EOMES: variants seen among roughly 807,000 people sequenced by gnomAD.
EOMES encodes the protein eomesodermin homolog.
In EOMES, 18 loss-of-function variants were observed where a neutral mutation model predicts 61.0. That is an observed-to-expected ratio of 0.30 (90% CI 0.20 to 0.44). The LOEUF is 0.44. Among genes scored for constraint, EOMES ranks in the 20% least tolerant of loss-of-function variants. EOMES has a pLI of 1.00. For synonymous variants in EOMES, 430 were observed against 394.0 expected, an observed-to-expected ratio of 1.09 and a Z score of -1.08; for missense variants, 885 against 939.2, an observed-to-expected ratio of 0.94 and a Z score of 0.75.
intron 2 of EOMES, among the ~76,000 whole-genome samples, chr3:27,719,693 C>G (rs1162356220): frequency 6.6e-6 from 1 of 152,178 alleles, no homozygotes; most frequent in Non-Finnish European, 1.5e-5. Context: ...CTTCCTTGCA[C>G]TAGGGACTCC....
At position 27,717,671 on chromosome 3, in the gene EOMES, G is replaced by A. The variant is rs753193041; in HGVS notation, c.1517C>T (p.Ala506Val). ...GGTTCTCTCGCCATTATAATAGCGG[G>A]CTTGAGGTAAAGTGTTGACAAAGGG... Reference protein sequence around the residue: ...PEPFVNTLPQARYYNGERTVP... With the variant: ...PEPFVNTLPQVRYYNGERTVP... Residue 506 changes from alanine to valine, a missense_variant, in exon 6 of 6, where the codon GCC becomes GTC. Physicochemically the swap from Ala to Val is moderately conservative, Grantham distance 64. Around this residue, in one of 3 missense-constraint regions of EOMES, gnomAD observed 259 missense variants for 282.3 expected, o/e 0.92. Coordinates refer to ENST00000449599, the MANE Select transcript of EOMES (RefSeq NM_001278182.2). This position sits in a 1 kb window ranked among gnomAD's most constrained non-coding sequence, Gnocchi z 4.5. The A allele has an allele frequency of 1.2e-6, 2 of 1,613,948 alleles. No homozygotes were observed. Among genetic ancestry groups the A allele is most frequent in the Admixed American group, 1.7e-5 (1 of 59,988 alleles).
Position 27,718,847 on chromosome 3 carries a change from A to T in EOMES, c.1205T>A (p.Ile402Asn), listed in dbSNP as rs1365927935. 6.2e-7 allele frequency: 1 copy of T among 1,613,948 alleles called. No homozygotes were observed. Among genetic ancestry groups the T allele is most frequent in the African/African-American group, 1.3e-5 (1 of 74,930 alleles). Residue 402 changes from isoleucine to asparagine, a missense_variant, in exon 4 of 6, where the codon ATT becomes AAT. Ile to Asn is a moderately radical substitution (Grantham distance 149). Around this residue, in one of 3 missense-constraint regions of EOMES, gnomAD observed 177 missense variants for 273.3 expected, o/e 0.65. Coordinates refer to ENST00000449599, the MANE Select transcript of EOMES (RefSeq NM_001278182.2). ...CACGCCATCCTCTGTAACTTCAACA[A>T]TATGCAGTCGGGGTTGGTATTTGTG... ...SLHKYQPRLH[I>N]VEVTEDGVED...
intron 2 of EOMES, among the ~76,000 whole-genome samples, chr3:27,719,792 A>G (rs2060596915): frequency 6.6e-6 from 1 of 152,152 alleles, no homozygotes; most frequent in Non-Finnish European, 1.5e-5. Flanking sequence ...TGTAAGGGCA[A>G]CATCCGATGG....
intron 5 of EOMES, among the ~76,000 whole-genome samples, chr3:27,718,317 A>G (rs930767387): frequency 6.6e-6 from 1 of 152,182 alleles, no homozygotes; most frequent in African/African-American, 2.4e-5. Context: ...AGGTATATAT[A>G]AATGCAGATT....
Position 27,715,955 on chromosome 3 carries a change from C to T in EOMES, c.*1115G>A, listed in dbSNP as rs938356005. ...CACAGAAGACAGAGCTATGTCCGTT[C>T]CCTTACTGAACCACATTTATTAAAA... On this transcript the variant is annotated 3_prime_UTR_variant, in exon 6 of 6. Transcript: ENST00000449599. The T allele has an allele frequency of 4.2e-4, 64 of 152,000 alleles. No individual in the cohort carries two copies. The highest frequency in any genetic ancestry group is 1.5e-3 in the African/African-American group (62 of 41,358). The allele number at this position is 152,000 out of a possible 1,614,324, so 9.4% of individuals were successfully genotyped here.
rs1258908432 is a variant in EOMES, at chr3:27,721,246, G to A, written c.881+168C>T. Reference sequence around the variant, plus strand: ...AGAGCCGCCGGGGCACTGACACAGAGGGACACCGCATTGGAGATGCGGTGT... The same window carrying A: ...AGAGCCGCCGGGGCACTGACACAGAAGGACACCGCATTGGAGATGCGGTGT... On this transcript the variant is annotated intron_variant, in intron 1 of 5. Transcript: ENST00000449599. The surrounding 1 kb of genome is among the most constrained non-coding windows in gnomAD (Gnocchi z 7.4). Among the ~76,000 whole-genome samples the A allele has an allele frequency of 2.6e-5, 4 of 151,590 alleles. No individual in the cohort carries two copies. The highest frequency in any genetic ancestry group is 9.7e-5 in the African/African-American group (4 of 41,284).
In EOMES at chr3:27,721,757, G is replaced by A. The variant is rs1278594512; in HGVS notation, c.538C>T (p.Pro180Ser). The change falls in exon 1 of 6, where the codon CCT becomes TCT. Residue 180 changes from proline (P) to serine (S), a missense_variant. Coordinates refer to ENST00000449599, the MANE Select transcript of EOMES (RefSeq NM_001278182.2). The surrounding 1 kb of genome is among the most constrained non-coding windows in gnomAD (Gnocchi z 7.4). ...CCGTAGGGGTAGCGCGCCCCGTTAG[G>A]AGCCGGGTACACAGGTCCGTGGGGC... ...GAPHGPVYPA[P>S]NGARYPYGSM... is the part of the protein sequence containing the mutation. 19 of 1,493,014 alleles carry A rather than the reference G, an allele frequency of 1.3e-5. No individual in the cohort carries two copies. Among genetic ancestry groups the A allele is most frequent in the Non-Finnish European group, 1.5e-5 (17 of 1,133,118 alleles). 92.5% of individuals were successfully genotyped at this position (1,493,014 alleles called of 1,614,324 possible).
Position 27,721,323 on chromosome 3 carries a change from A to G in EOMES, c.881+91T>C. The G allele has an allele frequency of 2.7e-6, 3 of 1,094,590 alleles. No homozygotes were observed. The highest frequency in any genetic ancestry group is 2.8e-5 in the South Asian group (2 of 71,150). 67.8% of individuals were successfully genotyped at this position (1,094,590 alleles called of 1,614,324 possible). On this transcript the variant is annotated intron_variant, in intron 1 of 5. Transcript: ENST00000449599. The surrounding 1 kb of genome is among the most constrained non-coding windows in gnomAD (Gnocchi z 7.4). ...AACACTCTAAGCACCGCGCGGAACA[A>G]CTGGGTTCAGCTCCCTCATCCCGGA...
Position 27,721,687 on chromosome 3 carries a change from G to C in EOMES, c.608C>G (p.Pro203Arg). 6.6e-7 allele frequency: 1 copy of C among 1,519,596 alleles called. No homozygotes were observed. The highest frequency in any genetic ancestry group is 8.8e-7 in the Non-Finnish European group (1 of 1,139,552). The allele number at this position is 1,519,596 out of a possible 1,614,324, so 94.1% of individuals were successfully genotyped here. Reference protein sequence around the residue: ...PGGFPAAVCPPGRAQFGPGAG... With the variant: ...PGGFPAAVCPRGRAQFGPGAG... The stretch of plus-strand genomic sequence containing the variant: ...TCCTGGGCCGAACTGCGCCCTCCCG[G>C]GTGGGCACACAGCCGCGGGGAAGCC... Residue 203 changes from proline to arginine, a missense_variant, in exon 1 of 6, where the codon CCC (proline) becomes CGC (arginine). Coordinates refer to ENST00000449599, the MANE Select transcript of EOMES (RefSeq NM_001278182.2). The surrounding 1 kb of genome is among the most constrained non-coding windows in gnomAD (Gnocchi z 7.4).
intron 3 of EOMES, among the ~76,000 whole-genome samples, 155 bp from the exon 4 acceptor site, chr3:27,719,048 C>G (rs1000824129): frequency 1.7e-5 from 2 of 120,680 alleles, no homozygotes; most frequent in Non-Finnish European, 3.3e-5. Context: ...CTCATTATTG[C>G]CCCCCCCCTT....
In EOMES at chr3:27,721,929, G is replaced by GGCGGCTGCA; in HGVS notation, c.365_366insTGCAGCCGC (p.Ala128_Ala130dup). ...TGGCCGCAGCCGCGGCGGCGGCGGC[G>GGCGGCTGCA]GCGGCGGCTGCAGCGGCGGAGGGCA... On this transcript the variant is annotated inframe_insertion, in exon 1 of 6. Coordinates refer to ENST00000449599, the MANE Select transcript of EOMES (RefSeq NM_001278182.2). This position sits in a 1 kb window ranked among gnomAD's most constrained non-coding sequence, Gnocchi z 7.4. The GGCGGCTGCA allele has an allele frequency of 2.9e-6, 4 of 1,367,830 alleles. No homozygotes were observed. Among genetic ancestry groups the GGCGGCTGCA allele is most frequent in the Non-Finnish European group, 3.7e-6 (4 of 1,073,274 alleles). 84.7% of individuals were successfully genotyped at this position (1,367,830 alleles called of 1,614,324 possible). A position where few individuals can be genotyped will look rare whatever the true frequency, so the allele number is the denominator to read the frequency against.
chr3:27,717,255 T>C lies in EOMES; in HGVS notation c.1933A>G (p.Lys645Glu). 6.2e-7 allele frequency: 1 copy of C among 1,613,990 alleles called. No individual in the cohort carries two copies. The highest frequency in any genetic ancestry group is 2.2e-5 in the East Asian group (1 of 44,878). The change falls in exon 6 of 6, where the codon AAA (lysine) becomes GAA (glutamate). Residue 645 changes from lysine (K) to glutamate (E), a missense_variant. Transcript: ENST00000449599. The surrounding 1 kb of genome is among the most constrained non-coding windows in gnomAD (Gnocchi z 4.5). Reference sequence around the variant, plus strand: ...CCTGAATCATTGGAATCTAGAGATTTGATGGAAGGGGGTGTCTCTATCCAA... The same window carrying C: ...CCTGAATCATTGGAATCTAGAGATTCGATGGAAGGGGGTGTCTCTATCCAA... ...SSWIETPPSI[K>E]SLDSNDSGVY...
At position 27,721,914 on chromosome 3, in the gene EOMES, CGCGGCG is replaced by C. The variant is rs3062761; in HGVS notation, c.375_380del (p.Ala129_Ala130del). ...TGGAGTAGCGCGCAGTGGCCGCAGCCGCGGCGGCGGCGGCGGCGGCGGCTGCAGCGG... is the reference window on the plus strand; with the variant it reads ...TGGAGTAGCGCGCAGTGGCCGCAGCCGCGGCGGCGGCGGCGGCTGCAGCGG... On this transcript the variant is annotated inframe_deletion, in exon 1 of 6. Coordinates refer to ENST00000449599, the MANE Select transcript of EOMES (RefSeq NM_001278182.2). The surrounding 1 kb of genome is among the most constrained non-coding windows in gnomAD (Gnocchi z 7.4). The C allele has an allele frequency of 1.2e-5, 14 of 1,152,390 alleles. No homozygotes were observed. Among genetic ancestry groups the C allele is most frequent in the South Asian group, 4.7e-5 (2 of 42,620 alleles). 71.4% of individuals were successfully genotyped at this position (1,152,390 alleles called of 1,614,324 possible).
At chr3:27,719,077 C>T (rs1489066158) in intron 3 of EOMES, among the ~76,000 whole-genome samples, 184 bp from the exon 4 acceptor site, 1 of 148,266 alleles carries the variant, frequency 6.7e-6, no homozygotes, top group African/African-American at 2.5e-5. Context: ...AAATTTAAAT[C>T]ATAGCTGGGT....
In EOMES at chr3:27,722,176, G is replaced by A. The variant is rs766144654; in HGVS notation, c.119C>T (p.Ala40Val). ...TAAGTCCAACTTCTGAGGAGAGGGG[G>A]CCGCGCTGGGGAGGTGGCCAGCGCT... is the stretch of plus-strand genomic sequence containing the variant. ...GGSAGHLPSA[A>V]PSPQKLDLDK... is the part of the protein sequence containing the mutation. The change falls in exon 1 of 6, where the codon GCC (alanine) becomes GTC (valine). Residue 40 changes from alanine to valine, a missense_variant. By Grantham distance (64) the Ala-to-Val change is moderately conservative. This residue lies in a region of EOMES where 449 missense variants were observed against 383.6 expected (regional missense o/e 1.17). Transcript: ENST00000449599. The A allele has an allele frequency of 1.9e-6, 3 of 1,590,636 alleles. No homozygotes were observed. Among genetic ancestry groups the A allele is most frequent in the Non-Finnish European group, 1.7e-6 (2 of 1,169,942 alleles).
At position 27,716,957 on chromosome 3, in the gene EOMES, CAT is replaced by C. The variant is rs2125399173; in HGVS notation, c.*111_*112del. 1.2e-5 allele frequency: 9 copies of C among 737,144 alleles called. No homozygotes were observed. 45.7% of individuals were successfully genotyped at this position (737,144 alleles called of 1,614,324 possible). On this transcript the variant is annotated 3_prime_UTR_variant, in exon 6 of 6. Transcript: ENST00000449599. ...TTAGAGAATTGCACAAAACAGGATG[CAT>C]CAAGGTGGAAGGCAAACATCTTTTT...
intron 2 of EOMES, 74 bp downstream of exon 2, chr3:27,720,097 G>A (rs2060599692): frequency 2.9e-6 from 4 of 1,389,742 alleles, no homozygotes; most frequent in African/African-American, 2.9e-5. Context: ...ACATTTAAAT[G>A]TGAGTTGTGT....
rs765549067 is a variant in EOMES, at chr3:27,720,171, C to T, written c.1036G>A (p.Gly346Ser). 3 of 1,584,190 alleles carry T rather than the reference C, an allele frequency of 1.9e-6. No individual in the cohort carries two copies. The highest frequency in any genetic ancestry group is 1.8e-5 in the Admixed American group (1 of 55,932). The change falls in exon 2 of 6, where the codon GGC (glycine) becomes AGC (serine). Residue 346 changes from glycine (G) to serine (S), a missense_variant and splice_region_variant. By Grantham distance (56) the Gly-to-Ser change is moderately conservative. Coordinates refer to ENST00000449599, the MANE Select transcript of EOMES (RefSeq NM_001278182.2). ...TCGKADNNMQ[G>S]NKMYVHPESP... The stretch of plus-strand genomic sequence containing the variant: ...CGGCCCGAGCCTCTTCTCTGCTCAC[C>T]CTGCATGTTATTGTCGGCTTTGCCA...
rs1553745484 is a variant in EOMES at position 27,721,936 on chromosome 3, G to GCGGCGGCGC, written c.358_359insGCGCCGCCG (p.Ala119_Ala120insGlyAlaAla). ...AGCCGCGGCGGCGGCGGCGGCGGCGGCTGCAGCGGCGGAGGGCAGCTCCTC... is the reference window on the plus strand; with the variant it reads ...AGCCGCGGCGGCGGCGGCGGCGGCGGCGGCGGCGCCTGCAGCGGCGGAGGGCAGCTCCTC... On this transcript the variant is annotated inframe_insertion, in exon 1 of 6. Coordinates refer to ENST00000449599, the MANE Select transcript of EOMES (RefSeq NM_001278182.2). This position sits in a 1 kb window ranked among gnomAD's most constrained non-coding sequence, Gnocchi z 7.4. 2.4e-4 allele frequency: 322 copies of GCGGCGGCGC among 1,364,178 alleles called. 2 individuals are homozygous for GCGGCGGCGC. The Middle Eastern group carries it at 3.3e-3, about 14-fold the overall frequency. The allele number at this position is 1,364,178 out of a possible 1,614,324, so 84.5% of individuals were successfully genotyped here. A position where few individuals can be genotyped will look rare whatever the true frequency, so the allele number is the denominator to read the frequency against.
Sources: allele counts gnomAD v4.1 joint callset (sites outside exome capture counted in the v4.1 genomes callset), GRCh38; gene constraint gnomAD v4.1.1; regional missense constraint gnomAD v4.1.1; non-coding constraint Gnocchi (gnomAD v3.1); transcripts MANE v1.5; gene names NCBI Gene and HGNC (gene_info 2026-07-23, HGNC 2026-07-21).